Variants in ADAM10 observed in about 807,000 individuals in gnomAD.
ADAM10 encodes the protein ADAM metallopeptidase domain 10.
A neutral mutation model predicts 90.1 loss-of-function variants in ADAM10; 17 were observed. The observed-to-expected ratio is 0.19, with a 90% CI of 0.13 to 0.28. The LOEUF (loss-of-function observed/expected upper bound fraction) is 0.28. Ranked by LOEUF, ADAM10 falls within the 10% of genes least tolerant of loss-of-function variation. The pLI is 1.00. For synonymous variants in ADAM10, 310 were observed against 298.6 expected (o/e 1.04, Z -0.40); for missense variants, 610 against 914.3 (o/e 0.67, Z 4.29).
intron 1 of ADAM10, among the ~76,000 whole-genome samples, chr15:58,744,116 T>C (rs1899709753): frequency 6.6e-6 from 1 of 152,208 alleles, no homozygotes; most frequent in Non-Finnish European, 1.5e-5. Flanking sequence ...TTTCTCTCCA[T>C]TCTTCCCTGT....
chr15:58,620,174 ATAT>A (rs1212892108), intron 11 of ADAM10, among the ~76,000 whole-genome samples: 4 of 152,148 alleles, frequency 2.6e-5, no homozygotes, highest in Non-Finnish European at 4.4e-5. Flanking sequence ...CGTTTAAAAC[ATAT>A]TGAACTGGCC....
chr15:58,600,700 A>G (rs191836845), intron 14 of ADAM10, among the ~76,000 whole-genome samples: 184 of 152,336 alleles, frequency 1.2e-3, no homozygotes, highest in African/African-American at 4.1e-3. Flanking sequence ...TAGGAAAATT[A>G]CTGTGTCTAG....
chr15:58,632,194 T>C (rs1319778306), intron 9 of ADAM10, among the ~76,000 whole-genome samples: 3 of 152,212 alleles, frequency 2.0e-5, no homozygotes, highest in Non-Finnish European at 4.4e-5. Context: ...GTACTGATCT[T>C]TAAGGTCACT....
chr15:58,685,545 AATATATATATATATATATATAT>A lies in ADAM10; in HGVS notation c.207-3253_207-3232del, dbSNP rs56776777. Reference sequence around the variant, plus strand: ...TTTTAAAAACAAGAATATGAAGGAGAATATATATATATATATATATATATATATATATATATATGTATATATA... The same window carrying A: ...TTTTAAAAACAAGAATATGAAGGAGAATATATATATATATATGTATATATA... On this transcript the variant is annotated intron_variant, in intron 2 of 15. Coordinates refer to ENST00000260408, the MANE Select transcript of ADAM10 (RefSeq NM_001110.4). Among the ~76,000 whole-genome samples, 35 of 116,226 alleles carry A rather than the reference AATATATATATATATATATATAT, an allele frequency of 3.0e-4. No individual in the cohort carries two copies. The East Asian group carries it at 5.6e-3, about 19-fold the overall frequency. 76.2% of individuals were successfully genotyped at this position (116,226 alleles called of 152,430 possible). A position where few individuals can be genotyped will look rare whatever the true frequency, so the allele number is the denominator to read the frequency against.
intron 1 of ADAM10, among the ~76,000 whole-genome samples, chr15:58,719,207 C>T (rs757035420): frequency 1.3e-5 from 2 of 152,040 alleles, no homozygotes; most frequent in Non-Finnish European, 2.9e-5. Flanking sequence ...GCATATAAAC[C>T]TAGCTACTCA....
intron 6 of ADAM10, among the ~76,000 whole-genome samples, chr15:58,644,381 C>T (rs1425279461): frequency 6.6e-6 from 1 of 152,044 alleles, no homozygotes; most frequent in Non-Finnish European, 1.5e-5. Context: ...AGGCGCCTAC[C>T]ACCATGCCCA....
At chr15:58,713,510 T>C (rs1305590633) in intron 2 of ADAM10, among the ~76,000 whole-genome samples, 1 of 152,178 alleles carries the variant, frequency 6.6e-6, no homozygotes, top group Non-Finnish European at 1.5e-5. Flanking sequence ...GACATATGCA[T>C]GTAAATAAAG....
intron 2 of ADAM10, among the ~76,000 whole-genome samples, chr15:58,702,644 A>T (rs767226093): frequency 6.6e-6 from 1 of 152,242 alleles, no homozygotes; most frequent in Non-Finnish European, 1.5e-5. Flanking sequence ...TCTAAGATAC[A>T]AAACATTCCC....
chr15:58,653,822 C>A (rs1896745942), intron 5 of ADAM10, among the ~76,000 whole-genome samples: 1 of 152,144 alleles, frequency 6.6e-6, no homozygotes, highest in South Asian at 2.1e-4. Context: ...TAGAATTCAA[C>A]AGTGAAGCCA....
intron 14 of ADAM10, among the ~76,000 whole-genome samples, chr15:58,603,337 C>T (rs1232106545): frequency 1.3e-5 from 2 of 152,150 alleles, no homozygotes; most frequent in Non-Finnish European, 2.9e-5. Flanking sequence ...GAAAGTTTAG[C>T]ATCCCTGGCC....
At chr15:58,678,563 A>C (rs1897347341) in intron 4 of ADAM10, among the ~76,000 whole-genome samples, 3 of 152,178 alleles carry the variant, frequency 2.0e-5, no homozygotes, top group Admixed American at 2.0e-4. Context: ...ATTAAAAGGT[A>C]AAGTCTAAAT....
chr15:58,597,557 A>T lies in ADAM10; in HGVS notation c.2237T>A (p.Met746Lys), dbSNP rs1269298746. The T allele has an allele frequency of 6.2e-7, 1 of 1,613,800 alleles. No homozygotes were observed. The highest frequency in any genetic ancestry group is 8.5e-7 in the Non-Finnish European group (1 of 1,179,910). Residue 746 changes from methionine (M) to lysine (K), a missense_variant, in exon 16 of 16, where the codon ATG (methionine) becomes AAG (lysine). Met to Lys is a moderately conservative substitution (Grantham distance 95). This residue lies in a region of ADAM10 where 150 missense variants were observed against 268.5 expected (regional missense o/e 0.56). Transcript: ENST00000260408. ...AGGCAAAAGCTGCAGTTAGCGTCTC[A>T]TGTGTCCCATTTGATAACTCTCTCG... Reference protein sequence around the residue: ...RPRESYQMGHMRR With the variant: ...RPRESYQMGHKRR
chr15:58,634,141 T>C (rs375249792), intron 8 of ADAM10, among the ~76,000 whole-genome samples: 1 of 151,976 alleles, frequency 6.6e-6, no homozygotes, highest in East Asian at 1.9e-4. Flanking sequence ...TGAAACCCCA[T>C]CTCTACTAAA....
At chr15:58,696,877 C>T (rs1457610965) in intron 2 of ADAM10, among the ~76,000 whole-genome samples, 6 of 152,168 alleles carry the variant, frequency 3.9e-5, no homozygotes, top group Non-Finnish European at 8.8e-5. Context: ...TCCTAAGCAG[C>T]TAGAGCACAG....
At chr15:58,617,874 C>A (rs564161524) in intron 11 of ADAM10, among the ~76,000 whole-genome samples, 252 of 146,656 alleles carry the variant, frequency 1.7e-3, no homozygotes, top group African/African-American at 6.0e-3. Flanking sequence ...CTATGAAACA[C>A]TGATGAAAGA....
rs145764683 is a variant in ADAM10, at chr15:58,666,634, A to G, written c.485-1437T>C. Reference sequence around the variant, plus strand: ...TTTAAAATCTTTCGTCAAAACCCTAAAACTCACTTACCATTGGTTATTAAT... The same window carrying G: ...TTTAAAATCTTTCGTCAAAACCCTAGAACTCACTTACCATTGGTTATTAAT... On this transcript the variant is annotated intron_variant, in intron 4 of 15. Coordinates refer to ENST00000260408, the MANE Select transcript of ADAM10 (RefSeq NM_001110.4). 6.9e-3 allele frequency among the ~76,000 whole-genome samples: 1,056 copies of G among 152,124 alleles called. 12 individuals are homozygous for G. Among genetic ancestry groups the G allele is most frequent in the African/African-American group, 0.024 (1,010 of 41,486 alleles).
chr15:58,692,370 C>A, intron 2 of ADAM10: 2 of 598,034 alleles, frequency 3.3e-6, no homozygotes, highest in South Asian at 2.7e-5. Context: ...TTAGTTCTTC[C>A]CGATCAGTGT....
chr15:58,743,059 AAAAC>A (rs1373463945), intron 1 of ADAM10, among the ~76,000 whole-genome samples: 1 of 152,192 alleles, frequency 6.6e-6, no homozygotes, highest in African/African-American at 2.4e-5. Context: ...CCTTGTCTCA[AAAAC>A]AAACAAAACA....
At chr15:58,611,425 T>A (rs973476274) in intron 12 of ADAM10, 1 of 328,444 alleles carries the variant, frequency 3.0e-6, no homozygotes, top group African/African-American at 2.2e-5. Flanking sequence ...GAAAGAAAAA[T>A]TAAATTTTTT....
Sources: gnomAD v4.1 joint callset for allele counts (sites outside exome capture counted in the v4.1 genomes callset) on GRCh38, gnomAD v4.1.1 for gene constraint, gnomAD v4.1.1 regional missense constraint, MANE v1.5 for transcripts, NCBI Gene and HGNC (gene_info 2026-07-23, HGNC 2026-07-21) for gene names.